ARHGAP44: variants seen among roughly 807,000 people sequenced by gnomAD.
ARHGAP44 encodes the protein Rho GTPase activating protein 44.
Under a neutral mutation model 106.8 loss-of-function variants are expected in ARHGAP44, and 43 were observed. The ratio of observed to expected loss-of-function variants is 0.40; its 90% confidence interval spans 0.32 to 0.52. ARHGAP44 has a LOEUF of 0.52. Ranked by LOEUF, ARHGAP44 falls within the 20% of genes least tolerant of loss-of-function variation. The pLI, the probability that ARHGAP44 is intolerant of heterozygous loss-of-function variation, is 0.48. For synonymous variants in ARHGAP44, 439 were observed against 410.3 expected (o/e 1.07, Z -0.85); for missense variants, 866 against 1,050.5 (o/e 0.82, Z 2.43).
chr17:12,894,111 T>A (rs2037128540), intron 1 of ARHGAP44, among the ~76,000 whole-genome samples: 2 of 152,228 alleles, frequency 1.3e-5, no homozygotes, highest in Admixed American at 6.5e-5. Context: ...TAGTCTTTGA[T>A]CATTGCAATA....
intron 1 of ARHGAP44, chr17:12,790,151 C>G (rs966545891): frequency 2.2e-6 from 1 of 452,884 alleles, no homozygotes; most frequent in Non-Finnish European, 3.9e-6. Flanking sequence ...ACCTGCGTCC[C>G]CGGCTGCCCC....
chr17:12,954,769 T>A (rs2039086657), intron 13 of ARHGAP44, among the ~76,000 whole-genome samples: 2 of 152,210 alleles, frequency 1.3e-5, no homozygotes, highest in Admixed American at 6.5e-5. Context: ...TTGCCAGAGC[T>A]GTTTTTTTTG....
intron 1 of ARHGAP44, among the ~76,000 whole-genome samples, chr17:12,859,192 A>T (rs1863585316): frequency 6.6e-6 from 1 of 152,200 alleles, no homozygotes; most frequent in Admixed American, 6.5e-5. Context: ...CAACATAAGG[A>T]GAATGCCATC....
At chr17:12,836,547 C>A (rs1221112199) in intron 1 of ARHGAP44, among the ~76,000 whole-genome samples, 1 of 151,912 alleles carries the variant, frequency 6.6e-6, no homozygotes, top group Admixed American at 6.6e-5. Context: ...ACTCGGGAGG[C>A]TGAGGCAGGA....
intron 1 of ARHGAP44, 112 bp from the exon 2 acceptor site, chr17:12,894,828 A>G: frequency 1.1e-6 from 1 of 925,592 alleles, no homozygotes; most frequent in South Asian, 1.6e-5. Context: ...AAATGTTTCT[A>G]CTACTCATGT....
chr17:12,970,365 C>CAAAAAAAAA (rs66577680), intron 16 of ARHGAP44, among the ~76,000 whole-genome samples: 18 of 54,900 alleles, frequency 3.3e-4, no homozygotes, highest in South Asian at 8.2e-4. Context: ...GACCCTGTCT[C>CAAAAAAAAA]AAAAAAAAAA....
intron 3 of ARHGAP44, among the ~76,000 whole-genome samples, chr17:12,908,139 A>G (rs1460035679): frequency 6.7e-6 from 1 of 150,302 alleles, no homozygotes; most frequent in Non-Finnish European, 1.5e-5. Context: ...TCTGGGTTAT[A>G]ATTGCATGTG....
At chr17:12,948,542 G>A (rs1227081122) in intron 10 of ARHGAP44, among the ~76,000 whole-genome samples, 3 of 151,990 alleles carry the variant, frequency 2.0e-5, no homozygotes, top group African/African-American at 4.8e-5. Flanking sequence ...ATGGTGGCGG[G>A]TGCCTGTAAT....
intron 18 of ARHGAP44, among the ~76,000 whole-genome samples, chr17:12,976,236 C>T (rs575770832): frequency 1.4e-4 from 21 of 152,212 alleles, no homozygotes; most frequent in Non-Finnish European, 2.1e-4. Flanking sequence ...ACCACCAGCA[C>T]ACAAACACAC....
intron 1 of ARHGAP44, among the ~76,000 whole-genome samples, chr17:12,828,050 A>AG (rs57988130): frequency 2.0e-5 from 3 of 146,636 alleles, no homozygotes; most frequent in Non-Finnish European, 3.0e-5. Flanking sequence ...AAAAAAAAAA[A>AG]GTCTAATAGT....
chr17:12,978,197 G>T (rs183474323), intron 18 of ARHGAP44, among the ~76,000 whole-genome samples: 56 of 152,242 alleles, frequency 3.7e-4, no homozygotes, highest in African/African-American at 1.3e-3. Context: ...GTTTTTGATT[G>T]GTTGACTGGC....
chr17:12,868,617 A>G (rs1758699701), intron 1 of ARHGAP44, among the ~76,000 whole-genome samples: 1 of 139,592 alleles, frequency 7.2e-6, no homozygotes, highest in South Asian at 2.4e-4. Context: ...ATATATATAT[A>G]TATATATATA....
At chr17:12,803,376 G>T (rs1487988376) in intron 1 of ARHGAP44, among the ~76,000 whole-genome samples, 1 of 152,100 alleles carries the variant, frequency 6.6e-6, no homozygotes, top group East Asian at 1.9e-4. Flanking sequence ...CTAAATGCTG[G>T]AATTGCAGGC....
At chr17:12,890,644 T>G (rs2037017633) in intron 1 of ARHGAP44, among the ~76,000 whole-genome samples, 1 of 152,224 alleles carries the variant, frequency 6.6e-6, no homozygotes, top group Non-Finnish European at 1.5e-5. Flanking sequence ...ATTGCCTTGA[T>G]GAATAGCACC....
At chr17:12,868,591 TTATATATATA>T (rs1209692482) in intron 1 of ARHGAP44, among the ~76,000 whole-genome samples, 1,285 of 47,126 alleles carry the variant, frequency 0.027, 38 homozygotes, top group African/African-American at 0.065. Flanking sequence ...TATATGCATT[TTATATATATA>T]TATATATATA....
chr17:12,802,228 T>A (rs2034113861), intron 1 of ARHGAP44, among the ~76,000 whole-genome samples: 1 of 152,146 alleles, frequency 6.6e-6, no homozygotes, highest in Non-Finnish European at 1.5e-5. Context: ...CCATAATCAG[T>A]TAGGGTTCTC....
intron 6 of ARHGAP44, among the ~76,000 whole-genome samples, chr17:12,921,183 C>T (rs2038073450): frequency 6.6e-6 from 1 of 152,120 alleles, no homozygotes; most frequent in Admixed American, 6.5e-5. Flanking sequence ...TCTCCTGCCT[C>T]AGCCTCCTGA....
intron 1 of ARHGAP44, among the ~76,000 whole-genome samples, chr17:12,889,879 T>A (rs980934575): frequency 2.0e-5 from 3 of 151,900 alleles, no homozygotes; most frequent in African/African-American, 7.3e-5. Flanking sequence ...TAGGCAAGAA[T>A]AAAGGGATAA....
In ARHGAP44 at chr17:12,990,295, A is replaced by G; in HGVS notation, c.*124A>G. 7.5e-7 allele frequency: 1 copy of G among 1,326,264 alleles called. No individual in the cohort carries two copies. Among genetic ancestry groups the G allele is most frequent in the Non-Finnish European group, 1.0e-6 (1 of 987,526 alleles). The allele number at this position is 1,326,264 out of a possible 1,614,324, so 82.2% of individuals were successfully genotyped here. On this transcript the variant is annotated 3_prime_UTR_variant, in exon 21 of 21. Transcript: ENST00000379672. ...GCTCTTTCCTGCCACTGCCAACACG[A>G]GGTTGGAATTTGGCAGAAAATTGTG...
Sources: allele counts gnomAD v4.1 joint callset (sites outside exome capture counted in the v4.1 genomes callset), GRCh38; gene constraint gnomAD v4.1.1; transcripts MANE v1.5; gene names NCBI Gene and HGNC (gene_info 2026-07-23, HGNC 2026-07-21).